NRXN3: variants seen among roughly 807,000 people sequenced by gnomAD.
NRXN3 encodes the protein neurexin 3, also known as neurexin III.
Under a neutral mutation model 137.6 loss-of-function variants are expected in NRXN3, and 32 were observed. That is an observed-to-expected ratio of 0.23 (90% CI 0.18 to 0.31). The LOEUF (loss-of-function observed/expected upper bound fraction) is 0.31. NRXN3 is among the 10% of genes least tolerant of loss of function. The pLI is 1.00. For synonymous variants in NRXN3, 798 were observed against 784.5 expected (o/e 1.02, Z -0.29); for missense variants, 1,574 against 2,062.5 (o/e 0.76, Z 4.59).
intron 20 of NRXN3, among the ~76,000 whole-genome samples, chr14:79,807,370 C>A (rs2099212032): frequency 6.6e-6 from 1 of 152,142 alleles, no homozygotes; most frequent in African/African-American, 2.4e-5. Context: ...CAACTACTCA[C>A]CCTGCCTCAG....
chr14:79,192,585 A>T (rs1385187576), intron 15 of NRXN3, among the ~76,000 whole-genome samples: 1 of 152,120 alleles, frequency 6.6e-6, no homozygotes, highest in Non-Finnish European at 1.5e-5. Flanking sequence ...TAAAAGAAAA[A>T]GTCACTTCAC....
chr14:78,581,423 G>A (rs1229633961), intron 4 of NRXN3, among the ~76,000 whole-genome samples: 1 of 152,142 alleles, frequency 6.6e-6, no homozygotes, highest in African/African-American at 2.4e-5. Flanking sequence ...GAGGCATACT[G>A]TGTCCTCACA....
chr14:78,723,633 A>G (rs924372989), intron 8 of NRXN3, among the ~76,000 whole-genome samples: 4 of 152,212 alleles, frequency 2.6e-5, no homozygotes, highest in African/African-American at 9.6e-5. Context: ...TGCCATGACA[A>G]TATTGGCAGT....
chr14:78,706,807 C>T (rs554289643), intron 6 of NRXN3, among the ~76,000 whole-genome samples: 1 of 152,178 alleles, frequency 6.6e-6, no homozygotes, highest in Non-Finnish European at 1.5e-5. Flanking sequence ...TTCAATGCTT[C>T]GCCATAGTTA....
chr14:79,414,848 C>T (rs1450215460), intron 15 of NRXN3, among the ~76,000 whole-genome samples: 1 of 151,890 alleles, frequency 6.6e-6, no homozygotes, highest in Non-Finnish European at 1.5e-5. Context: ...ACTATTTGAC[C>T]CACACCTCCC....
At chr14:79,673,367 A>G (rs1342061634) in intron 17 of NRXN3, among the ~76,000 whole-genome samples, 1 of 152,138 alleles carries the variant, frequency 6.6e-6, no homozygotes, top group East Asian at 1.9e-4. Flanking sequence ...TGGTAGATAT[A>G]TAGCACAGCA....
At chr14:79,355,291 C>T (rs565330909) in intron 15 of NRXN3, among the ~76,000 whole-genome samples, 2 of 150,968 alleles carry the variant, frequency 1.3e-5, no homozygotes, top group South Asian at 4.2e-4. Context: ...GTCCCTCCAA[C>T]TCTTCTTCAC....
At chr14:79,445,893 G>C (rs952404153) in intron 15 of NRXN3, among the ~76,000 whole-genome samples, 36 of 152,170 alleles carry the variant, frequency 2.4e-4, no homozygotes, top group African/African-American at 8.7e-4. Context: ...TGAGAATTGT[G>C]AGCGGGAGAG....
At chr14:78,780,510 C>T (rs908367033) in intron 8 of NRXN3, among the ~76,000 whole-genome samples, 8 of 151,956 alleles carry the variant, frequency 5.3e-5, no homozygotes, top group East Asian at 3.9e-4. Flanking sequence ...AATTAAAAGA[C>T]GAGCTACAGA....
chr14:79,710,193 T>TTGAG (rs2098798076), intron 19 of NRXN3, among the ~76,000 whole-genome samples: 1 of 152,192 alleles, frequency 6.6e-6, no homozygotes, highest in East Asian at 1.9e-4. Flanking sequence ...TTTGTCTTTA[T>TTGAG]TGAGTCTCTG....
At chr14:79,853,665 C>A (rs1429768105) in intron 20 of NRXN3, 1 of 1,306,918 alleles carries the variant, frequency 7.7e-7, no homozygotes, top group Non-Finnish European at 1.0e-6. Flanking sequence ...CCCTCCCCTT[C>A]CTGCATCTTT....
rs557382100 is a variant in NRXN3 at position 78,598,600 on chromosome 14, T to C, written c.758-46520T>C. 3.9e-5 allele frequency among the ~76,000 whole-genome samples: 6 copies of C among 152,352 alleles called. No homozygotes were observed. The East Asian group carries it at 1.2e-3, about 29-fold the overall frequency. The stretch of plus-strand genomic sequence containing the variant: ...GTGTCACTTCTGCCTCAGTTAGATG[T>C]TTTCTCTAGCAAACAGATATCATTA... On this transcript the variant is annotated intron_variant, in intron 4 of 20. Coordinates refer to ENST00000335750, the MANE Select transcript of NRXN3 (RefSeq NM_001330195.2).
At chr14:79,293,763 AC>A (rs1351420627) in intron 15 of NRXN3, among the ~76,000 whole-genome samples, 1 of 152,142 alleles carries the variant, frequency 6.6e-6, no homozygotes, top group African/African-American at 2.4e-5. Flanking sequence ...CAGGCATGTC[AC>A]CCCCTCACGG....
chr14:79,173,591 A>C (rs1478519512), intron 15 of NRXN3, among the ~76,000 whole-genome samples: 1 of 152,046 alleles, frequency 6.6e-6, no homozygotes, highest in Non-Finnish European at 1.5e-5. Context: ...TCAATATGTA[A>C]ATTATATATT....
intron 16 of NRXN3, among the ~76,000 whole-genome samples, chr14:79,612,410 A>C (rs1202286048): frequency 6.6e-6 from 1 of 152,156 alleles, no homozygotes; most frequent in Admixed American, 6.5e-5. Flanking sequence ...CAGTACAGTG[A>C]TCTTTTTGCT....
chr14:78,802,652 A>C (rs1029973780), intron 8 of NRXN3, among the ~76,000 whole-genome samples: 1 of 152,242 alleles, frequency 6.6e-6, no homozygotes, highest in Non-Finnish European at 1.5e-5. Flanking sequence ...ATCAAATAAA[A>C]GTGAGTTTTC....
chr14:79,661,528 T>C (rs1294483190), intron 16 of NRXN3: 1 of 152,150 alleles, frequency 6.6e-6, no homozygotes, highest in Non-Finnish European at 1.5e-5. Flanking sequence ...AAGTGAAGTG[T>C]ACCAAACTAT....
intron 4 of NRXN3, among the ~76,000 whole-genome samples, chr14:78,597,156 G>A (rs1338752467): frequency 2.6e-5 from 4 of 152,202 alleles, no homozygotes; most frequent in Non-Finnish European, 4.4e-5. Context: ...AGACTGTGTC[G>A]GGGATGAGGT....
intron 4 of NRXN3, among the ~76,000 whole-genome samples, chr14:78,495,166 G>A (rs2095755045): frequency 7.4e-6 from 1 of 135,428 alleles, no homozygotes; most frequent in Admixed American, 8.0e-5. Flanking sequence ...TGTGTGTGAA[G>A]TTGCATGTTG....
Sources: gnomAD v4.1 joint callset for allele counts (sites outside exome capture counted in the v4.1 genomes callset) on GRCh38, gnomAD v4.1.1 for gene constraint, MANE v1.5 for transcripts, NCBI Gene and HGNC (gene_info 2026-07-23, HGNC 2026-07-21) for gene names.